Variants in DOCK4 observed in about 807,000 individuals in gnomAD.
The protein encoded by DOCK4 is dedicator of cytokinesis 4.
Under a neutral mutation model 268.1 loss-of-function variants are expected in DOCK4, and 97 were observed. The ratio of observed to expected loss-of-function variants is 0.36; its 90% CI spans 0.31 to 0.43. The LOEUF is 0.43. Ranked by LOEUF, DOCK4 falls within the 20% of genes least tolerant of loss-of-function variation. The pLI is 1.00. For synonymous variants in DOCK4, 954 were observed against 887.2 expected (o/e 1.08, Z -1.34); for missense variants, 2,145 against 2,455.7 (o/e 0.87, Z 2.67).
intron 1 of DOCK4, among the ~76,000 whole-genome samples, chr7:112,011,423 A>G (rs1259405404): frequency 1.3e-5 from 2 of 152,252 alleles, no homozygotes; most frequent in Non-Finnish European, 2.9e-5. Context: ...CTAAGGGAGA[A>G]GAAAAAATAA....
intron 36 of DOCK4, 53 bp downstream of exon 36, chr7:111,778,223 T>C (rs1340631513): frequency 8.0e-7 from 1 of 1,256,558 alleles, no homozygotes; most frequent in Admixed American, 1.8e-5. Flanking sequence ...GGAGGAATGA[T>C]CATGATTAAT....
intron 23 of DOCK4, among the ~76,000 whole-genome samples, chr7:111,853,405 TTGCATGTAGCAGAGC>T (rs1277836065): frequency 3.3e-5 from 5 of 152,126 alleles, no homozygotes; most frequent in African/African-American, 1.2e-4. Flanking sequence ...CAGCACAGCT[TTGCATGTAGCAGAGC>T]TGCTGACTAC....
At chr7:111,734,956 T>G (rs1795366690) in intron 51 of DOCK4, 98 bp downstream of exon 51, 1 of 954,058 alleles carries the variant, frequency 1.0e-6, no homozygotes, top group East Asian at 2.6e-5. Context: ...ATCCCAGAAA[T>G]CAAACGCCTA....
At chr7:112,061,454 GC>G (rs1449283146) in intron 1 of DOCK4, among the ~76,000 whole-genome samples, 1 of 152,082 alleles carries the variant, frequency 6.6e-6, no homozygotes, top group Non-Finnish European at 1.5e-5. Context: ...CAAGACAGAT[GC>G]CCAGGAGCAA....
chr7:112,086,439 A>C (rs1459372673), intron 1 of DOCK4, among the ~76,000 whole-genome samples: 1 of 152,122 alleles, frequency 6.6e-6, no homozygotes, highest in African/African-American at 2.4e-5. Flanking sequence ...GAGTCAATGA[A>C]ACAGAAAACG....
chr7:112,004,132 CTG>C lies in DOCK4; in HGVS notation c.38-3_38-2del. 6.3e-7 allele frequency: 1 copy of C among 1,578,288 alleles called. No homozygotes were observed. Among genetic ancestry groups the C allele is most frequent in the Non-Finnish European group, 8.6e-7 (1 of 1,160,700 alleles). On this transcript the variant is annotated splice_acceptor_variant and splice_polypyrimidine_tract_variant and intron_variant, in intron 1 of 52. Coordinates refer to ENST00000428084, the MANE Select transcript of DOCK4 (RefSeq NM_001363540.2). LOFTEE classifies it high-confidence loss of function. The stretch of plus-strand genomic sequence containing the variant: ...ACGGTTCCTCGGAAACTGGCAATAA[CTG>C]TAAAAAATGATAAAGAATATATGAA...
chr7:111,754,390 A>C (rs549486118), intron 42 of DOCK4, among the ~76,000 whole-genome samples: 5 of 152,228 alleles, frequency 3.3e-5, no homozygotes, highest in African/African-American at 1.2e-4. Context: ...TTCTTGAAAA[A>C]CAATTTGGTC....
chr7:112,047,782 C>A (rs1444686108), intron 1 of DOCK4, among the ~76,000 whole-genome samples: 1 of 152,132 alleles, frequency 6.6e-6, no homozygotes, highest in East Asian at 1.9e-4. Context: ...AGCCTGGAGC[C>A]CCTGGGCTCG....
rs1563458366 is a variant in DOCK4 at position 111,755,615 on chromosome 7, A to AACAC, written c.4330-18_4330-15dup. The AACAC allele has an allele frequency of 1.2e-6, 2 of 1,613,050 alleles. No individual in the cohort carries two copies. Among genetic ancestry groups the AACAC allele is most frequent in the Non-Finnish European group, 1.7e-6 (2 of 1,179,144 alleles). On this transcript the variant is annotated splice_polypyrimidine_tract_variant and intron_variant, in intron 41 of 52. Transcript: ENST00000428084. ...CACCCAGAGACTCTACAAAACACAA[A>AACAC]ACACATTAAGTCTCCCAAGTTGCCC...
chr7:111,730,168 C>T (rs1794982314), intron 52 of DOCK4, among the ~76,000 whole-genome samples: 1 of 152,148 alleles, frequency 6.6e-6, no homozygotes, highest in Non-Finnish European at 1.5e-5. Flanking sequence ...ACTAGTATCC[C>T]AAGGAAAACG....
chr7:111,796,644 A>G (rs144306747), intron 30 of DOCK4, among the ~76,000 whole-genome samples: 8 of 150,794 alleles, frequency 5.3e-5, no homozygotes, highest in African/African-American at 1.7e-4. Context: ...GAAGTTAACT[A>G]GAACCATTTT....
chr7:111,914,968 T>C (rs1792463206), intron 13 of DOCK4, among the ~76,000 whole-genome samples: 1 of 152,234 alleles, frequency 6.6e-6, no homozygotes, highest in South Asian at 2.1e-4. Flanking sequence ...AAAGTTTTGA[T>C]TGATGCTCAA....
intron 1 of DOCK4, among the ~76,000 whole-genome samples, chr7:112,084,838 T>A (rs1022760493): frequency 6.6e-6 from 1 of 152,108 alleles, no homozygotes; most frequent in Non-Finnish European, 1.5e-5. Context: ...GGCTTTCTGC[T>A]GGGTGTTTTC....
chr7:112,140,859 A>C (rs1814853677), intron 1 of DOCK4, among the ~76,000 whole-genome samples: 1 of 152,206 alleles, frequency 6.6e-6, no homozygotes, highest in Admixed American at 6.5e-5. Flanking sequence ...ATAGCTAAAG[A>C]TGGAGATGTT....
At chr7:112,038,069 G>GTTTAATAAATT (rs1803991553) in intron 1 of DOCK4, among the ~76,000 whole-genome samples, 1 of 152,152 alleles carries the variant, frequency 6.6e-6, no homozygotes, top group Non-Finnish European at 1.5e-5. Context: ...CAGCATGTTA[G>GTTTAATAAATT]CATTGTTATA....
intron 47 of DOCK4, chr7:111,739,798 G>T (rs567256238): frequency 5.4e-6 from 2 of 371,572 alleles, no homozygotes; most frequent in South Asian, 2.4e-5. Context: ...AGGCGAGTGC[G>T]TCTAAAAGGC....
chr7:112,063,483 A>G (rs1806628099), intron 1 of DOCK4, among the ~76,000 whole-genome samples: 1 of 152,210 alleles, frequency 6.6e-6, no homozygotes, highest in East Asian at 1.9e-4. Flanking sequence ...ATTGGGCAAA[A>G]TCATCTACCA....
chr7:112,015,977 G>C (rs1430403200), intron 1 of DOCK4, among the ~76,000 whole-genome samples: 1 of 152,150 alleles, frequency 6.6e-6, no homozygotes, highest in African/African-American at 2.4e-5. Flanking sequence ...CATTTCTTAA[G>C]GTCCCACCTC....
chr7:112,077,372 T>C (rs1808164899), intron 1 of DOCK4, among the ~76,000 whole-genome samples: 1 of 152,162 alleles, frequency 6.6e-6, no homozygotes, highest in Non-Finnish European at 1.5e-5. Flanking sequence ...AAAGACATCA[T>C]ATAAAATGAA....
Sources: allele counts gnomAD v4.1 joint callset (sites outside exome capture counted in the v4.1 genomes callset), GRCh38; gene constraint gnomAD v4.1.1; transcripts MANE v1.5; gene names NCBI Gene and HGNC (gene_info 2026-07-23, HGNC 2026-07-21).